Variants in LURAP1 observed in about 807,000 individuals in gnomAD.
LURAP1 encodes the protein NF-kappa-B activator C1orf190.
A neutral mutation model predicts 19.0 loss-of-function variants in LURAP1; 14 were observed. The observed-to-expected ratio is 0.74, with a 90% CI of 0.49 to 1.15. LURAP1 has a LOEUF of 1.15. LURAP1 is among the 50% of genes most tolerant of loss of function. LURAP1 has a pLI of 0.00. For synonymous variants in LURAP1, 129 were observed against 131.8 expected (o/e 0.98, Z 0.14); for missense variants, 273 against 309.1 (o/e 0.88, Z 0.87).
intron 1 of LURAP1, among the ~76,000 whole-genome samples, chr1:46,203,846 T>A (rs1012964832): frequency 6.6e-6 from 1 of 152,022 alleles, no homozygotes; most frequent in African/African-American, 2.4e-5. Context: ...TCCTGAGGAC[T>A]TGGGTTGGGA....
chr1:46,210,694 T>C (rs1658865317), intron 1 of LURAP1, among the ~76,000 whole-genome samples: 1 of 152,054 alleles, frequency 6.6e-6, no homozygotes. Flanking sequence ...CGGGAAGGGG[T>C]GCGGAACTTC....
At position 46,220,362 on chromosome 1, in the gene LURAP1, C is replaced by A; in HGVS notation, c.*142C>A. ...CATGGAAACCTGGCTCATCATTTCT[C>A]TAGTCCCTAGGGAGTCTCTGCCTTT... On this transcript the variant is annotated 3_prime_UTR_variant, in exon 2 of 2. Transcript: ENST00000371980. 1 of 850,238 alleles carries A rather than the reference C, an allele frequency of 1.2e-6. No homozygotes were observed. The highest frequency in any genetic ancestry group is 1.8e-6 in the Non-Finnish European group (1 of 557,606). 52.7% of individuals were successfully genotyped at this position (850,238 alleles called of 1,614,324 possible). A position where few individuals can be genotyped will look rare whatever the true frequency, so the allele number is the denominator to read the frequency against.
rs1289031770 is a variant in LURAP1, at chr1:46,219,686, C to T, written c.199-13C>T. On this transcript the variant is annotated splice_polypyrimidine_tract_variant and intron_variant, in intron 1 of 1. Coordinates refer to ENST00000371980, the MANE Select transcript of LURAP1 (RefSeq NM_001013615.3). ...CCCAGAACTGGGACTAATTCCTTCTCCCACTCCCCCAGGCTTACCTGCGAG... is the reference window on the plus strand; with the variant it reads ...CCCAGAACTGGGACTAATTCCTTCTTCCACTCCCCCAGGCTTACCTGCGAG... 5.1e-6 allele frequency: 8 copies of T among 1,556,922 alleles called. No homozygotes were observed. The highest frequency in any genetic ancestry group is 6.9e-6 in the Non-Finnish European group (8 of 1,151,280).
intron 1 of LURAP1, 120 bp downstream of exon 1, chr1:46,203,744 C>T: frequency 1.1e-6 from 1 of 918,638 alleles, no homozygotes; most frequent in Non-Finnish European, 1.6e-6. Context: ...CCTAACTGCT[C>T]AGAATCCCTC....
intron 1 of LURAP1, among the ~76,000 whole-genome samples, chr1:46,207,993 G>C (rs1019087857): frequency 2.6e-5 from 4 of 151,890 alleles, no homozygotes; most frequent in Non-Finnish European, 5.9e-5. Flanking sequence ...TCAGCTTCCT[G>C]AGTAGCTGGG....
At chr1:46,205,574 C>G (rs1156589011) in intron 1 of LURAP1, among the ~76,000 whole-genome samples, 3 of 152,232 alleles carry the variant, frequency 2.0e-5, no homozygotes, top group Non-Finnish European at 4.4e-5. Context: ...CGCCCAGTCT[C>G]TGGCTCTCTT....
intron 1 of LURAP1, among the ~76,000 whole-genome samples, chr1:46,213,859 G>GAA (rs111362838): frequency 7.1e-6 from 1 of 140,884 alleles, no homozygotes; most frequent in African/African-American, 2.6e-5. Context: ...ATTAACTCAA[G>GAA]AAAAAAAAAA....
intron 1 of LURAP1, among the ~76,000 whole-genome samples, chr1:46,207,960 C>T (rs950773420): frequency 7.9e-5 from 12 of 151,516 alleles, no homozygotes; most frequent in African/African-American, 1.9e-4. Flanking sequence ...CTCTGCCTCC[C>T]GGGTTCAAGC....
intron 1 of LURAP1, among the ~76,000 whole-genome samples, chr1:46,219,435 C>T (rs898348622): frequency 1.3e-5 from 2 of 152,188 alleles, no homozygotes; most frequent in African/African-American, 2.4e-5. Context: ...TCAGAATCCT[C>T]ACAGCTACCC....
At position 46,220,172 on chromosome 1, in the gene LURAP1, G is replaced by A; in HGVS notation, c.672G>A (p.Glu224=). The part of the protein sequence containing the change: ...PEDESAKLGF[E]AHWFWEQCQD... Reference sequence around the variant, plus strand: ...ATGAGAGTGCCAAGCTGGGCTTCGAGGCCCACTGGTTCTGGGAGCAGTGCC... The same window carrying A: ...ATGAGAGTGCCAAGCTGGGCTTCGAAGCCCACTGGTTCTGGGAGCAGTGCC... The change falls in exon 2 of 2, where the codon GAG becomes GAA. Residue 224 remains glutamate (E), a synonymous_variant. Coordinates refer to ENST00000371980, the MANE Select transcript of LURAP1 (RefSeq NM_001013615.3). 6.2e-7 allele frequency: 1 copy of A among 1,613,964 alleles called. No homozygotes were observed.
At chr1:46,214,250 G>T (rs1299212270) in intron 1 of LURAP1, among the ~76,000 whole-genome samples, 1 of 151,790 alleles carries the variant, frequency 6.6e-6, no homozygotes, top group Non-Finnish European at 1.5e-5. Flanking sequence ...GAAGGTTGAG[G>T]CATGAGAATC....
At chr1:46,212,144 A>G (rs1290611703) in intron 1 of LURAP1, among the ~76,000 whole-genome samples, 1 of 152,204 alleles carries the variant, frequency 6.6e-6, no homozygotes, top group Non-Finnish European at 1.5e-5. Context: ...ATAATTCAAT[A>G]AACATTTTTC....
Position 46,208,037 on chromosome 1 carries a change from T to A in LURAP1, c.198+4413T>A, listed in dbSNP as rs78437133. ...CACCCGCCTAGTTAATTTTTGTATT[T>A]TTAGTAGAGATGGGGTTTCACCACG... is the stretch of plus-strand genomic sequence containing the variant. On this transcript the variant is annotated intron_variant, in intron 1 of 1. Transcript: ENST00000371980. Among the ~76,000 whole-genome samples the A allele has an allele frequency of 1.7e-3, 258 of 152,014 alleles. 2 individuals carry two copies. The East Asian group carries it at 0.026, about 15-fold the overall frequency.
At chr1:46,208,098 G>A (rs1658776562) in intron 1 of LURAP1, among the ~76,000 whole-genome samples, 1 of 152,016 alleles carries the variant, frequency 6.6e-6, no homozygotes, top group East Asian at 1.9e-4. Context: ...GGCCTCAAGT[G>A]ATCTGCCTGC....
intron 1 of LURAP1, among the ~76,000 whole-genome samples, chr1:46,210,643 T>C (rs1002922619): frequency 6.6e-5 from 10 of 152,110 alleles, no homozygotes; most frequent in African/African-American, 2.4e-4. Context: ...ATAAGGATAT[T>C]ACAAAGGATA....
At position 46,205,756 on chromosome 1, in the gene LURAP1, T is replaced by A. The variant is rs535559871; in HGVS notation, c.198+2132T>A. On this transcript the variant is annotated intron_variant, in intron 1 of 1. Coordinates refer to ENST00000371980, the MANE Select transcript of LURAP1 (RefSeq NM_001013615.3). ...GAGGAGAGATCCCCATCCTATTTTTTCTCCTTCCTCAGGCCAGGATGTTAT... is the reference window on the plus strand; with the variant it reads ...GAGGAGAGATCCCCATCCTATTTTTACTCCTTCCTCAGGCCAGGATGTTAT... 4.6e-5 allele frequency among the ~76,000 whole-genome samples: 7 copies of A among 152,332 alleles called. No homozygotes were observed. In the East Asian group the frequency reaches 1.2e-3, roughly 25 times the overall value.
chr1:46,211,766 T>C (rs191814227), intron 1 of LURAP1, among the ~76,000 whole-genome samples: 173 of 152,248 alleles, frequency 1.1e-3, no homozygotes, highest in African/African-American at 4.0e-3. Context: ...TGTACAAATA[T>C]ATATATATAT....
intron 1 of LURAP1, 152 bp from the exon 2 acceptor site, chr1:46,219,547 G>C (rs1249800434): frequency 4.0e-6 from 3 of 746,444 alleles, no homozygotes; most frequent in African/African-American, 1.7e-5. Flanking sequence ...GCAGCAGTCT[G>C]TCTGCTTCTG....
chr1:46,217,702 C>T (rs749530473), intron 1 of LURAP1, among the ~76,000 whole-genome samples: 2 of 151,968 alleles, frequency 1.3e-5, no homozygotes, highest in Non-Finnish European at 2.9e-5. Context: ...ACTAAAAATA[C>T]AAAAATTAGC....
Sources: allele counts gnomAD v4.1 joint callset (sites outside exome capture counted in the v4.1 genomes callset), GRCh38; gene constraint gnomAD v4.1.1; transcripts MANE v1.5; gene names NCBI Gene and HGNC (gene_info 2026-07-23, HGNC 2026-07-21).